The following NDUFB6 variants were observed in gnomAD, a reference collection of about 807,000 sequenced individuals.
The protein encoded by NDUFB6 is NADH dehydrogenase [ubiquinone] 1 beta subcomplex subunit 6.
In NDUFB6, 23 loss-of-function variants were observed where a neutral mutation model predicts 17.5. The ratio of observed to expected loss-of-function variants is 1.31; its 90% CI spans 0.94 to 1.86. NDUFB6 has a LOEUF of 1.86. Ranked by LOEUF, NDUFB6 falls within the 40% of genes most tolerant of loss-of-function variation. NDUFB6 has a pLI of 0.00. For synonymous variants in NDUFB6, 60 were observed against 53.5 expected (o/e 1.12, Z -0.53); for missense variants, 167 against 153.8 (o/e 1.09, Z -0.46).
At chr9:32,557,945 T>C (rs369290645) in intron 3 of NDUFB6, among the ~76,000 whole-genome samples, 6 of 152,226 alleles carry the variant, frequency 3.9e-5, no homozygotes, top group Admixed American at 6.5e-5. Flanking sequence ...TTTTGAGTTA[T>C]GATAGTTCAT....
intron 3 of NDUFB6, 112 bp downstream of exon 3, chr9:32,558,798 A>C: frequency 2.8e-6 from 2 of 724,490 alleles, no homozygotes; most frequent in Non-Finnish European, 4.4e-6. Flanking sequence ...ACAGGGACTT[A>C]AACCGAAAGT....
At position 32,555,850 on chromosome 9, in the gene NDUFB6, A is replaced by T. The variant is rs577190001; in HGVS notation, c.319-1906T>A. 1.8e-4 allele frequency among the ~76,000 whole-genome samples: 27 copies of T among 152,372 alleles called. No homozygotes were observed. In the South Asian group the frequency reaches 5.4e-3, roughly 30 times the overall value. ...CGATGGATAAAGGTGTTCTTTCAAG[A>T]AAACAAAATCAGTGCCCATTCAAGT... On this transcript the variant is annotated intron_variant, in intron 3 of 3. Transcript: ENST00000379847.
intron 2 of NDUFB6, chr9:32,566,895 G>A: frequency 1.7e-6 from 1 of 579,652 alleles, no homozygotes; most frequent in South Asian, 1.7e-5. Flanking sequence ...GAAAAGCACT[G>A]AGGAAGCACC....
At chr9:32,571,312 T>C (rs1821935597) in intron 1 of NDUFB6, among the ~76,000 whole-genome samples, 1 of 152,162 alleles carries the variant, frequency 6.6e-6, no homozygotes, top group South Asian at 2.1e-4. Context: ...TTTATAGATT[T>C]TTTAAAGACT....
At chr9:32,561,505 T>C (rs1294026016) in intron 2 of NDUFB6, among the ~76,000 whole-genome samples, 1 of 151,972 alleles carries the variant, frequency 6.6e-6, no homozygotes, top group African/African-American at 2.4e-5. Flanking sequence ...TTTTTTTGTA[T>C]TTTAGTAGAG....
intron 2 of NDUFB6, among the ~76,000 whole-genome samples, chr9:32,563,448 C>T (rs926362354): frequency 4.1e-5 from 6 of 146,444 alleles, no homozygotes; most frequent in African/African-American, 1.0e-4. Flanking sequence ...TGGGCTCAAG[C>T]GATCCTCCTG....
At chr9:32,556,750 G>A (rs1223347849) in intron 3 of NDUFB6, among the ~76,000 whole-genome samples, 1 of 151,074 alleles carries the variant, frequency 6.6e-6, no homozygotes, top group Non-Finnish European at 1.5e-5. Flanking sequence ...AAATTGCCCA[G>A]CTGGAAAAAC....
chr9:32,567,180 G>C (rs774564783), intron 2 of NDUFB6: 2 of 475,012 alleles, frequency 4.2e-6, no homozygotes, highest in Non-Finnish European at 8.7e-6. Context: ...CCGCTGGCCA[G>C]CTGCTCAAGC....
Position 32,558,780 on chromosome 9 carries a change from T to C in NDUFB6, c.318+130A>G. On this transcript the variant is annotated intron_variant, in intron 3 of 3. Coordinates refer to ENST00000379847, the MANE Select transcript of NDUFB6 (RefSeq NM_002493.5). The stretch of plus-strand genomic sequence containing the variant: ...TGTTTTGTTTTGTTTTTTACAAGAA[T>C]ACACAAAACAGGGACTTAAACCGAA... 5.4e-6 allele frequency: 3 copies of C among 553,974 alleles called. No homozygotes were observed. The East Asian group carries it at 8.7e-5, about 16-fold the overall frequency. 34.3% of individuals were successfully genotyped at this position (553,974 alleles called of 1,614,324 possible).
rs1587654286 is a variant in NDUFB6, at chr9:32,572,996, C to T, written c.65G>A (p.Trp22Ter). Residue 22 changes from tryptophan to a stop codon, truncating the protein, a stop_gained, in exon 1 of 4, where the codon TGG becomes TAG. Coordinates refer to ENST00000379847, the MANE Select transcript of NDUFB6 (RefSeq NM_002493.5). LOFTEE classifies it high-confidence loss of function. ...LQQLRELRRR[W>*]LKDQELSPRE... ...AGGGCTCAGCTCCTGGTCCTTCAGC[C>T]ATCGCCTTCTCAGCTCTCGCAGCTG... 15 of 1,610,734 alleles carry T rather than the reference C, an allele frequency of 9.3e-6. No homozygotes were observed. Among genetic ancestry groups the T allele is most frequent in the Non-Finnish European group, 1.3e-5 (15 of 1,178,184 alleles).
intron 3 of NDUFB6, among the ~76,000 whole-genome samples, chr9:32,558,702 C>T (rs1821541245): frequency 6.6e-6 from 1 of 152,150 alleles, no homozygotes; most frequent in South Asian, 2.1e-4. Flanking sequence ...AATGTGCTCA[C>T]TTCCCATTTG....
chr9:32,570,962 A>G lies in NDUFB6; in HGVS notation c.271T>C (p.Ser91Pro). ...AATTCTGAAAAGGACATACTTACAG[A>G]AACATGATACTTCATGTAATAATGA... is the stretch of plus-strand genomic sequence containing the variant. ...IIHYYMKYHV[S>P]EKPYGIVEKK... is the part of the protein sequence containing the mutation. Residue 91 changes from serine (S) to proline (P), a missense_variant and splice_region_variant, in exon 2 of 4, where the codon TCT becomes CCT. By Grantham distance (74) the Ser-to-Pro change is moderately conservative. Transcript: ENST00000379847. 2 of 1,563,230 alleles carry G rather than the reference A, an allele frequency of 1.3e-6. No homozygotes were observed. The highest frequency in any genetic ancestry group is 4.6e-5 in the East Asian group (2 of 43,932).
intron 2 of NDUFB6, chr9:32,568,742 A>ATTTTTTTTTT (rs1337982976): frequency 8.4e-6 from 1 of 119,606 alleles, no homozygotes; most frequent in African/African-American, 3.6e-5. Context: ...ATATATATAT[A>ATTTTTTTTTT]TATATATTTT....
At chr9:32,557,232 T>A (rs1392521201) in intron 3 of NDUFB6, among the ~76,000 whole-genome samples, 2 of 145,328 alleles carry the variant, frequency 1.4e-5, no homozygotes, top group African/African-American at 5.2e-5. Context: ...TGGCGCAAAC[T>A]CCGCACACTG....
chr9:32,566,384 G>T, intron 2 of NDUFB6: 1 of 1,071,206 alleles, frequency 9.3e-7, no homozygotes, highest in Non-Finnish European at 1.5e-6. Flanking sequence ...TCCACTATGT[G>T]ATCCAGGTTC....
chr9:32,570,530 A>C (rs1161616774), intron 2 of NDUFB6, among the ~76,000 whole-genome samples: 1 of 152,218 alleles, frequency 6.6e-6, no homozygotes, highest in African/African-American at 2.4e-5. Flanking sequence ...TGAGTTCTAA[A>C]TAAATAAAAA....
chr9:32,566,148 T>C (rs1264003689), intron 2 of NDUFB6: 11 of 683,590 alleles, frequency 1.6e-5, no homozygotes, highest in Non-Finnish European at 2.9e-5. Context: ...TGTGTATATG[T>C]CACTGGCGCT....
Position 32,563,491 on chromosome 9 carries a change from C to CTTTTTTTTTTTTTTTTTTTTTTT in NDUFB6, c.274-4538_274-4537insAAAAAAAAAAAAAAAAAAAAAAA, listed in dbSNP as rs111646430. ...CTCCTGAACAGGTGGGACTATTGGGCTTTTTTTTTTTTTGGAGGGATGGGG... is the reference window on the plus strand; with the variant it reads ...CTCCTGAACAGGTGGGACTATTGGGCTTTTTTTTTTTTTTTTTTTTTTTTTTTTTTTTTTTTGGAGGGATGGGG... On this transcript the variant is annotated intron_variant, in intron 2 of 3. Coordinates refer to ENST00000379847, the MANE Select transcript of NDUFB6 (RefSeq NM_002493.5). Among the ~76,000 whole-genome samples, 23 of 91,988 alleles carry CTTTTTTTTTTTTTTTTTTTTTTT rather than the reference C, an allele frequency of 2.5e-4. 1 individual carries two copies. Among genetic ancestry groups the CTTTTTTTTTTTTTTTTTTTTTTT allele is most frequent in the African/African-American group, 9.3e-4 (21 of 22,584 alleles). The allele number at this position is 91,988 out of a possible 152,430, so 60.3% of individuals were successfully genotyped here.
chr9:32,572,429 G>A (rs1276697167), intron 1 of NDUFB6, among the ~76,000 whole-genome samples: 3 of 152,142 alleles, frequency 2.0e-5, no homozygotes, highest in African/African-American at 7.2e-5. Flanking sequence ...GGATCACATG[G>A]GGCTGTACTA....
Sources: gnomAD v4.1 joint callset for allele counts (sites outside exome capture counted in the v4.1 genomes callset) on GRCh38, gnomAD v4.1.1 for gene constraint, MANE v1.5 for transcripts, NCBI Gene and HGNC (gene_info 2026-07-23, HGNC 2026-07-21) for gene names.